The following FGF16 variants were observed in gnomAD, a reference collection of about 807,000 sequenced individuals.
The protein encoded by FGF16 is fibroblast growth factor 16, also known as metacarpal 4-5 fusion.
FGF16 carries 2 observed loss-of-function variants against 8.5 expected under a neutral mutation model. That is an observed-to-expected ratio of 0.24 (90% confidence interval 0.10 to 0.75). The LOEUF (loss-of-function observed/expected upper bound fraction) is 0.75. Among genes scored for constraint, FGF16 ranks in the 30% least tolerant of loss-of-function variants. The pLI is 0.74. For missense variants in FGF16, 79 were observed against 87.4 expected, an observed-to-expected ratio of 0.90 and a Z score of 0.38; for synonymous variants, 33 against 34.6, an observed-to-expected ratio of 0.95 and a Z score of 0.16.
intron 1 of FGF16, 83 bp downstream of exon 1, chrX:77,448,031 C>T (rs961806201): frequency 0.24 from 70,647 of 295,598 alleles, 6,346 homozygotes; most frequent in African/African-American, 0.3. Context: ...GTAGGGCCCG[C>T]AGACCGCCCC....
Position 77,447,738 on chromosome X carries a change from C to T in FGF16, c.64C>T (p.Leu22=), listed in dbSNP as rs1176934507. The T allele has an allele frequency of 2.7e-5, 8 of 296,946 alleles. No individual in the cohort carries two copies. The East Asian group carries it at 3.8e-4, about 14-fold the overall frequency. The allele number at this position is 296,946 out of a possible 1,213,427, so 24.5% of individuals were successfully genotyped here. A position where few individuals can be genotyped will look rare whatever the true frequency, so the allele number is the denominator to read the frequency against. Reference sequence around the variant, plus strand: ...GGATCTACACGGCTTCTCCTCGTCTCTGGGGAACGTGCCCTTAGCTGACTC... The same window carrying T: ...GGATCTACACGGCTTCTCCTCGTCTTTGGGGAACGTGCCCTTAGCTGACTC... The part of the protein sequence containing the change: ...DWDLHGFSSS[L]GNVPLADSPG... The change falls in exon 1 of 3, where the codon CTG becomes TTG. Residue 22 remains leucine, a synonymous_variant. Coordinates refer to ENST00000439435, the MANE Select transcript of FGF16 (RefSeq NM_003868.3).
At chrX:77,450,622 C>T in intron 1 of FGF16, among the ~76,000 whole-genome samples, 1 of 112,557 alleles carries the variant, frequency 8.9e-6, no homozygotes, top group Middle Eastern at 4.6e-3. Flanking sequence ...CAAAGCAGCA[C>T]TGTCTCGGCC....
intron 1 of FGF16, among the ~76,000 whole-genome samples, chrX:77,453,164 TAAAC>T (rs2147426675): frequency 8.9e-6 from 1 of 112,023 alleles, no homozygotes. Flanking sequence ...TTGGATGACT[TAAAC>T]AAGTTTTTGG....
chrX:77,454,386 C>G (rs2062566946), intron 2 of FGF16, 126 bp downstream of exon 2: 1 of 399,801 alleles, frequency 2.5e-6, no homozygotes, highest in African/African-American at 3.0e-5. Flanking sequence ...CATGGTGGCT[C>G]ACGCCTGTAA....
Position 77,453,507 on chromosome X carries a change from A to G in FGF16, c.275-650A>G, listed in dbSNP as rs1471110214. On this transcript the variant is annotated intron_variant, in intron 1 of 2. Coordinates refer to ENST00000439435, the MANE Select transcript of FGF16 (RefSeq NM_003868.3). ...GCTGTGGATAAACTTAAAATTCTCA[A>G]AAGAGAATGATAGGCTTGTCAGCTT... is the stretch of plus-strand genomic sequence containing the variant. 7.1e-5 allele frequency among the ~76,000 whole-genome samples: 8 copies of G among 112,286 alleles called. No individual in the cohort carries two copies. In the Admixed American group the frequency reaches 7.5e-4, roughly 11 times the overall value.
chrX:77,456,287 C>T lies in FGF16; in HGVS notation c.389C>T (p.Thr130Ile), dbSNP rs1557027100. 1.7e-6 allele frequency: 2 copies of T among 1,209,537 alleles called. No individual in the cohort carries two copies. Among genetic ancestry groups the T allele is most frequent in the Non-Finnish European group, 2.2e-6 (2 of 893,386 alleles). Reference sequence around the variant, plus strand: ...TTCTCACCCTCACAGAAGAAACTCACACGTGAATGTGTTTTCCGGGAACAG... The same window carrying T: ...TTCTCACCCTCACAGAAGAAACTCATACGTGAATGTGTTTTCCGGGAACAG... Reference protein sequence around the residue: ...RGELYGSKKLTRECVFREQFE... With the variant: ...RGELYGSKKLIRECVFREQFE... Residue 130 changes from threonine (T) to isoleucine (I), a missense_variant, in exon 3 of 3, where the codon ACA (threonine) becomes ATA (isoleucine). Thr to Ile is a moderately conservative substitution (Grantham distance 89, BLOSUM62 -1). Coordinates refer to ENST00000439435, the MANE Select transcript of FGF16 (RefSeq NM_003868.3).
chrX:77,451,531 T>A (rs2062557200), intron 1 of FGF16, among the ~76,000 whole-genome samples: 1 of 111,927 alleles, frequency 8.9e-6, no homozygotes, highest in Non-Finnish European at 1.9e-5. Flanking sequence ...GCTCTGTTTT[T>A]CCATTTTCTT....
intron 1 of FGF16, among the ~76,000 whole-genome samples, chrX:77,448,529 C>T (rs1277438866): frequency 8.9e-6 from 1 of 111,964 alleles, no homozygotes; most frequent in Non-Finnish European, 1.9e-5. Flanking sequence ...AGGAAAACCT[C>T]GCGGTGTCCA....
In FGF16 at chrX:77,456,604, A is replaced by T. The variant is rs1250274505; in HGVS notation, c.*82A>T. 1.1e-6 allele frequency: 1 copy of T among 909,266 alleles called. No individual in the cohort carries two copies. The highest frequency in any genetic ancestry group is 1.5e-6 in the Non-Finnish European group (1 of 647,149). The allele number at this position is 909,266 out of a possible 1,213,427, so 74.9% of individuals were successfully genotyped here. On this transcript the variant is annotated 3_prime_UTR_variant, in exon 3 of 3. Coordinates refer to ENST00000439435, the MANE Select transcript of FGF16 (RefSeq NM_003868.3). ...CAAGCACTATATTCATAGCTTTTCA[A>T]TCCTTCCTTCCTATCATTTTAGATA...
chrX:77,456,732 G>C lies in FGF16; in HGVS notation c.*210G>C. The C allele has an allele frequency of 2.6e-6, 1 of 379,431 alleles. No homozygotes were observed. The highest frequency in any genetic ancestry group is 4.6e-6 in the Non-Finnish European group (1 of 219,491). 31.3% of individuals were successfully genotyped at this position (379,431 alleles called of 1,213,427 possible). On this transcript the variant is annotated 3_prime_UTR_variant, in exon 3 of 3. Transcript: ENST00000439435. ...TGGGGAGGGATGGGGGGCTGGGCTC[G>C]AGGGAATCTTGTATATACTTTTTTC...
chrX:77,455,757 AGATTG>A (rs1220261475), intron 2 of FGF16, among the ~76,000 whole-genome samples: 2 of 111,989 alleles, frequency 1.8e-5, no homozygotes, highest in African/African-American at 6.5e-5. Context: ...TGAAGTAGCC[AGATTG>A]GAAGAGCTTT....
At chrX:77,449,757 G>A (rs183140506) in intron 1 of FGF16, among the ~76,000 whole-genome samples, 289 of 112,066 alleles carry the variant, frequency 2.6e-3, no homozygotes, top group Non-Finnish European at 3.7e-3. Flanking sequence ...TCTGCTAAGG[G>A]TGTTAAGTTT....
chrX:77,454,789 G>A (rs1046763581), intron 2 of FGF16, among the ~76,000 whole-genome samples: 11 of 96,053 alleles, frequency 1.1e-4, no homozygotes, highest in Non-Finnish European at 2.3e-4. Flanking sequence ...ACCAAAACAA[G>A]CTTTTTTTTT....
At position 77,454,270 on chromosome X, in the gene FGF16, AGGT is replaced by A; in HGVS notation, c.378+11_378+13del. 4.4e-6 allele frequency: 1 copy of A among 227,642 alleles called. No individual in the cohort carries two copies. The highest frequency in any genetic ancestry group is 8.0e-5 in the Admixed American group (1 of 12,549). 18.8% of individuals were successfully genotyped at this position (227,642 alleles called of 1,213,427 possible). A position where few individuals can be genotyped will look rare whatever the true frequency, so the allele number is the denominator to read the frequency against. On this transcript the variant is annotated intron_variant, in intron 2 of 2. Transcript: ENST00000439435. The stretch of plus-strand genomic sequence containing the variant: ...AGAACTCTATGGGTCGGTAAGTTTA[AGGT>A]TTTTTTTTTTTTTTTTTTTTTTTTT...
At chrX:77,453,884 A>G (rs782012954) in intron 1 of FGF16, among the ~76,000 whole-genome samples, 2 of 111,964 alleles carry the variant, frequency 1.8e-5, no homozygotes, top group Non-Finnish European at 3.8e-5. Context: ...AAGCCTTCTC[A>G]TGGTCTCTTC....
intron 1 of FGF16, among the ~76,000 whole-genome samples, chrX:77,449,589 A>G (rs1203226263): frequency 9.0e-6 from 1 of 111,538 alleles, no homozygotes; most frequent in Non-Finnish European, 1.9e-5. Flanking sequence ...AAAAATTATG[A>G]GCACACCTCC....
intron 1 of FGF16, among the ~76,000 whole-genome samples, chrX:77,453,433 T>A (rs2062562995): frequency 8.9e-6 from 1 of 112,313 alleles, no homozygotes; most frequent in Non-Finnish European, 1.9e-5. Context: ...GCCTTAAAGT[T>A]ACAACATCTC....
intron 1 of FGF16, among the ~76,000 whole-genome samples, chrX:77,449,284 G>C (rs1447941641): frequency 9.0e-6 from 1 of 111,626 alleles, no homozygotes; most frequent in Non-Finnish European, 1.9e-5. Context: ...AGTACAGTAG[G>C]TTGGGAGGGG....
intron 1 of FGF16, among the ~76,000 whole-genome samples, chrX:77,448,338 C>T (rs1557026408): frequency 8.9e-6 from 1 of 112,590 alleles, no homozygotes; most frequent in Non-Finnish European, 1.9e-5. Flanking sequence ...GGCAGCAGGG[C>T]TGTGGCAGCT....
Sources: gnomAD v4.1 joint callset for allele counts (sites outside exome capture counted in the v4.1 genomes callset) on GRCh38, gnomAD v4.1.1 for gene constraint, MANE v1.5 for transcripts, NCBI Gene and HGNC (gene_info 2026-07-23, HGNC 2026-07-21) for gene names.